SMIM14: variants seen among roughly 807,000 people sequenced by gnomAD.
SMIM14 encodes small integral membrane protein 14.
A neutral mutation model predicts 12.6 loss-of-function variants in SMIM14; 5 were observed. The observed-to-expected ratio is 0.40, with a 90% CI of 0.21 to 0.83. SMIM14 has a LOEUF of 0.83. Ranked by LOEUF, SMIM14 falls within the 40% of genes least tolerant of loss-of-function variation. The pLI, the probability that SMIM14 is intolerant of heterozygous loss-of-function variation, is 0.37. For synonymous variants in SMIM14, 30 were observed against 40.1 expected (o/e 0.75, Z 0.95); for missense variants, 86 against 119.1 (o/e 0.72, Z 1.29).
chr4:39,580,258 A>G (rs1713429631), intron 2 of SMIM14, among the ~76,000 whole-genome samples: 1 of 152,058 alleles, frequency 6.6e-6, no homozygotes, highest in Non-Finnish European at 1.5e-5. Flanking sequence ...AACTCACCTC[A>G]GCCTTGACCT....
rs182427423 is a variant in SMIM14 at position 39,577,340 on chromosome 4, G to T, written c.76-4877C>A. Among the ~76,000 whole-genome samples the T allele has an allele frequency of 9.2e-5, 14 of 152,162 alleles. No homozygotes were observed. The East Asian group carries it at 2.5e-3, about 27-fold the overall frequency. On this transcript the variant is annotated intron_variant, in intron 2 of 4. Coordinates refer to ENST00000295958, the MANE Select transcript of SMIM14 (RefSeq NM_174921.3). The stretch of plus-strand genomic sequence containing the variant: ...CATAAGTGTTTCTCCTAGGTAAAGG[G>T]AGCCAGAAAAGCAGGAGTCAAATTA...
intron 2 of SMIM14, among the ~76,000 whole-genome samples, chr4:39,578,506 T>C (rs1281953866): frequency 3.3e-5 from 5 of 152,166 alleles, no homozygotes; most frequent in African/African-American, 9.7e-5. Flanking sequence ...TCTATAGAAA[T>C]ATAGACTTTA....
intron 1 of SMIM14, among the ~76,000 whole-genome samples, chr4:39,620,205 C>T (rs1453205149): frequency 2.7e-5 from 4 of 150,864 alleles, no homozygotes; most frequent in African/African-American, 7.3e-5. Context: ...TTCGGATGGG[C>T]GCTGTGGCTC....
chr4:39,617,775 G>T (rs554699057), intron 1 of SMIM14, among the ~76,000 whole-genome samples: 2 of 152,062 alleles, frequency 1.3e-5, no homozygotes, highest in Non-Finnish European at 2.9e-5. Flanking sequence ...CTTTAACAGC[G>T]GAAGAGAATC....
intron 2 of SMIM14, among the ~76,000 whole-genome samples, chr4:39,590,343 G>A (rs1253978334): frequency 1.3e-5 from 2 of 151,150 alleles, no homozygotes; most frequent in African/African-American, 4.9e-5. Context: ...TGGAATTGAG[G>A]TGGAAGTTAC....
chr4:39,564,878 G>T (rs1050226229), intron 3 of SMIM14, among the ~76,000 whole-genome samples: 1 of 152,140 alleles, frequency 6.6e-6, no homozygotes, highest in Non-Finnish European at 1.5e-5. Flanking sequence ...TGGCTGAAGT[G>T]AAGTGACCTG....
chr4:39,570,018 A>C (rs570792119), intron 3 of SMIM14, among the ~76,000 whole-genome samples: 66 of 152,164 alleles, frequency 4.3e-4, no homozygotes, highest in Non-Finnish European at 6.6e-4. Context: ...CCCTTTTTCC[A>C]CAAATGTATT....
intron 2 of SMIM14, among the ~76,000 whole-genome samples, chr4:39,590,556 C>T (rs1384077835): frequency 6.6e-6 from 1 of 151,896 alleles, no homozygotes; most frequent in Admixed American, 6.6e-5. Flanking sequence ...AATCTCAGCA[C>T]TTCGGGAGGC....
At chr4:39,585,801 G>A (rs1713757436) in intron 2 of SMIM14, among the ~76,000 whole-genome samples, 1 of 152,046 alleles carries the variant, frequency 6.6e-6, no homozygotes, top group East Asian at 1.9e-4. Context: ...TTTGGGCAGA[G>A]GCCAACCGGT....
chr4:39,605,545 G>A (rs1010693690), intron 1 of SMIM14, among the ~76,000 whole-genome samples: 3 of 152,008 alleles, frequency 2.0e-5, no homozygotes, highest in African/African-American at 7.3e-5. Flanking sequence ...AAAGACATCT[G>A]AAAAGGTATC....
intron 1 of SMIM14, among the ~76,000 whole-genome samples, chr4:39,614,582 A>C (rs1250225316): frequency 6.6e-6 from 1 of 152,144 alleles, no homozygotes; most frequent in Non-Finnish European, 1.5e-5. Context: ...TCAACCTCCC[A>C]AAGTGCTGGG....
Position 39,556,582 on chromosome 4 carries a change from C to A in SMIM14, c.125-12G>T, listed in dbSNP as rs375791152. 11 of 1,572,524 alleles carry A rather than the reference C, an allele frequency of 7.0e-6. No homozygotes were observed. Among genetic ancestry groups the A allele is most frequent in the Admixed American group, 6.2e-5 (3 of 48,396 alleles). On this transcript the variant is annotated splice_polypyrimidine_tract_variant and intron_variant, in intron 3 of 4. Transcript: ENST00000295958. Reference sequence around the variant, plus strand: ...AGAGGGTCCCGGTACTAAAGACAAACAAAAAATGTAGCATGCTCACAATAT... The same window carrying A: ...AGAGGGTCCCGGTACTAAAGACAAAAAAAAAATGTAGCATGCTCACAATAT...
intron 1 of SMIM14, among the ~76,000 whole-genome samples, chr4:39,614,185 C>CAAAAAA (rs60332502): frequency 5.9e-5 from 6 of 102,244 alleles, no homozygotes; most frequent in Non-Finnish European, 6.3e-5. Context: ...AACTCCATTA[C>CAAAAAA]AAAAAAAAAA....
intron 2 of SMIM14, among the ~76,000 whole-genome samples, chr4:39,580,091 T>C (rs1283481230): frequency 6.6e-6 from 1 of 152,208 alleles, no homozygotes; most frequent in Non-Finnish European, 1.5e-5. Flanking sequence ...GTGTTGGAGA[T>C]GTTCTTCTTT....
At chr4:39,553,723 A>G (rs1236252566) in intron 4 of SMIM14, among the ~76,000 whole-genome samples, 2 of 151,446 alleles carry the variant, frequency 1.3e-5, no homozygotes, top group East Asian at 2.0e-4. Flanking sequence ...CCTCACAAGT[A>G]GCTGGGATTA....
chr4:39,596,851 T>C (rs917568324), intron 2 of SMIM14, among the ~76,000 whole-genome samples: 1 of 152,126 alleles, frequency 6.6e-6, no homozygotes, highest in Non-Finnish European at 1.5e-5. Context: ...TCACACCTCA[T>C]TGCAGCCTTG....
At chr4:39,621,329 G>C (rs1715477502) in intron 1 of SMIM14, among the ~76,000 whole-genome samples, 1 of 148,498 alleles carries the variant, frequency 6.7e-6, no homozygotes, top group South Asian at 2.3e-4. Context: ...AAAGAATTAG[G>C]GGAAAAAAAC....
chr4:39,625,407 C>T (rs1052173434), intron 1 of SMIM14, among the ~76,000 whole-genome samples: 6 of 151,620 alleles, frequency 4.0e-5, no homozygotes, highest in Non-Finnish European at 8.8e-5. Context: ...TCTAAACTCA[C>T]GCAGGATTAA....
At chr4:39,602,105 C>T (rs968071532) in intron 2 of SMIM14, among the ~76,000 whole-genome samples, 1 of 149,052 alleles carries the variant, frequency 6.7e-6, no homozygotes, top group African/African-American at 2.5e-5. Context: ...AAAAATTAGC[C>T]AGGTGTGGTG....
Sources: allele counts gnomAD v4.1 joint callset (sites outside exome capture counted in the v4.1 genomes callset), GRCh38; gene constraint gnomAD v4.1.1; transcripts MANE v1.5; gene names NCBI Gene and HGNC (gene_info 2026-07-23, HGNC 2026-07-21).